The following CAST variants were observed in gnomAD, a reference collection of about 807,000 sequenced individuals.
CAST encodes MIR583 host.
Under a neutral mutation model 119.6 loss-of-function variants are expected in CAST, and 76 were observed. The observed-to-expected ratio is 0.64, with a 90% CI of 0.53 to 0.77. The LOEUF (loss-of-function observed/expected upper bound fraction) is 0.77. CAST is among the 30% of genes least tolerant of loss of function. The pLI, the probability that CAST is intolerant of heterozygous loss-of-function variation, is 0.00. For missense variants in CAST, 953 were observed against 946.5 expected, an observed-to-expected ratio of 1.01 and a Z score of -0.09; for synonymous variants, 319 against 331.6, an observed-to-expected ratio of 0.96 and a Z score of 0.41.
At chr5:96,098,660 C>T in the CAST span, among the ~76,000 whole-genome samples, 1 of 152,168 alleles carries the variant, frequency 6.6e-6, no homozygotes, top group African/African-American at 2.4e-5. Context: ...TCTGGGTTCT[C>T]TATTCTGCTC....
chr5:96,159,862 A>G, the CAST span, among the ~76,000 whole-genome samples: 1 of 152,018 alleles, frequency 6.6e-6, no homozygotes, highest in African/African-American at 2.4e-5. Context: ...TAAAATGTAA[A>G]TGGGCTCACA....
chr5:96,755,558 A>G (rs557927221), intron 22 of CAST, among the ~76,000 whole-genome samples: 1 of 152,334 alleles, frequency 6.6e-6, no homozygotes, highest in African/African-American at 2.4e-5. Flanking sequence ...AGTCACTTAA[A>G]TGAGGCGGAT....
At chr5:96,379,021 A>G in the CAST span, among the ~76,000 whole-genome samples, 45,314 of 152,012 alleles carry the variant, frequency 0.3, 6,917 homozygotes, top group African/African-American at 0.35. Flanking sequence ...CAGATGTGCC[A>G]TAATTGATTC....
the CAST span, among the ~76,000 whole-genome samples, chr5:96,185,600 T>C: frequency 5.3e-5 from 8 of 152,220 alleles, no homozygotes; most frequent in Middle Eastern, 3.2e-3. Flanking sequence ...ATTTATTAAA[T>C]AGGGAGTCCT....
chr5:95,966,224 T>C, the CAST span, among the ~76,000 whole-genome samples: 1 of 152,134 alleles, frequency 6.6e-6, no homozygotes, highest in South Asian at 2.1e-4. Context: ...GGGGGTAGGG[T>C]TAAGTGGCAC....
chr5:96,631,463 T>C (rs1476657809), intron 1 of CAST, among the ~76,000 whole-genome samples: 2 of 141,246 alleles, frequency 1.4e-5, no homozygotes, highest in African/African-American at 5.0e-5. Context: ...TTAAATAACA[T>C]CCCATTGTAT....
intron 1 of CAST, among the ~76,000 whole-genome samples, chr5:96,543,270 A>T (rs1745950197): frequency 1.3e-5 from 2 of 152,208 alleles, no homozygotes; most frequent in South Asian, 4.1e-4. Flanking sequence ...TTCTCAGCAA[A>T]CTAACACAGG....
At chr5:96,291,856 G>A in the CAST span, among the ~76,000 whole-genome samples, 5 of 147,854 alleles carry the variant, frequency 3.4e-5, no homozygotes, top group Non-Finnish European at 7.6e-5. Flanking sequence ...GTGTGTGTGT[G>A]TGTGTGTGTG....
intron 1 of CAST, among the ~76,000 whole-genome samples, chr5:96,565,324 T>C (rs1746446910): frequency 6.6e-6 from 1 of 152,174 alleles, no homozygotes; most frequent in African/African-American, 2.4e-5. Flanking sequence ...CTACTTAGCC[T>C]GATTTGATCA....
chr5:96,509,941 A>G, the CAST span, among the ~76,000 whole-genome samples: 1 of 152,248 alleles, frequency 6.6e-6, no homozygotes, highest in Non-Finnish European at 1.5e-5. Flanking sequence ...CTTACCCTAC[A>G]CAGTAGCAGG....
the CAST span, among the ~76,000 whole-genome samples, chr5:96,320,195 A>G: frequency 6.6e-6 from 1 of 151,488 alleles, no homozygotes; most frequent in Non-Finnish European, 1.5e-5. Context: ...CAGCTCATTA[A>G]AAAGGCTGTG....
At chr5:96,591,212 G>A (rs765163465) in intron 1 of CAST, among the ~76,000 whole-genome samples, 4 of 152,206 alleles carry the variant, frequency 2.6e-5, no homozygotes, top group African/African-American at 9.7e-5. Flanking sequence ...CTAAATAACC[G>A]AAAGAGTCAG....
At chr5:96,561,994 G>A (rs374168451) in intron 1 of CAST, among the ~76,000 whole-genome samples, 10 of 149,896 alleles carry the variant, frequency 6.7e-5, no homozygotes, top group Admixed American at 2.7e-4. Flanking sequence ...GGGTTTCACC[G>A]TGTTAGCCAG....
intron 1 of CAST, among the ~76,000 whole-genome samples, chr5:96,639,385 T>C (rs531964112): frequency 2.0e-5 from 3 of 152,340 alleles, no homozygotes; most frequent in African/African-American, 7.2e-5. Flanking sequence ...GCCTCCTTCC[T>C]CCCATGTTTG....
chr5:96,019,251 G>C, the CAST span, among the ~76,000 whole-genome samples: 1 of 152,152 alleles, frequency 6.6e-6, no homozygotes, highest in Admixed American at 6.5e-5. Flanking sequence ...TTAATGTGTT[G>C]TGTGTACTGG....
chr5:95,994,052 C>T, the CAST span, among the ~76,000 whole-genome samples: 1 of 152,112 alleles, frequency 6.6e-6, no homozygotes. Flanking sequence ...GCAACTGGAA[C>T]TTCCTACTTT....
At chr5:96,327,077 C>A in the CAST span, among the ~76,000 whole-genome samples, 12 of 152,118 alleles carry the variant, frequency 7.9e-5, no homozygotes, top group Non-Finnish European at 1.6e-4. Context: ...TGAAACTGAT[C>A]TCAGTTTAAT....
At chr5:96,661,257 T>TAAAA (rs59810319), upstream of CAST, among the ~76,000 whole-genome samples, 145 of 67,954 alleles carry the variant, frequency 2.1e-3, 1 homozygote, top group African/African-American at 8.8e-3. Context: ...TCTCTACCAT[T>TAAAA]AAAAAAAAAA....
chr5:96,729,500 T>G, intron 7 of CAST, 112 bp from the exon 8 acceptor site: 1 of 648,300 alleles, frequency 1.5e-6, no homozygotes, highest in East Asian at 2.7e-5. Context: ...ACAGCACAAC[T>G]GTTATGAACA....
Sources: gnomAD v4.1 joint callset for allele counts (sites outside exome capture counted in the v4.1 genomes callset) on GRCh38, gnomAD v4.1.1 for gene constraint, MANE v1.5 for transcripts, NCBI Gene and HGNC (gene_info 2026-07-23, HGNC 2026-07-21) for gene names.